The following POLR2F variants were observed in gnomAD, a reference collection of about 807,000 sequenced individuals.
POLR2F encodes DNA-directed RNA polymerases I, II, and III subunit RPABC2.
A neutral mutation model predicts 22.7 loss-of-function variants in POLR2F; 12 were observed. The observed-to-expected ratio is 0.53, with a 90% CI of 0.34 to 0.86. The LOEUF (loss-of-function observed/expected upper bound fraction) is 0.86. POLR2F is among the 40% of genes least tolerant of loss of function. POLR2F has a pLI of 0.02. For synonymous variants in POLR2F, 57 were observed against 66.0 expected, an observed-to-expected ratio of 0.86 and a Z score of 0.66; for missense variants, 126 against 171.5, an observed-to-expected ratio of 0.73 and a Z score of 1.48.
Position 37,978,023 on chromosome 22 carries a change from C to A in POLR2F, c.293+10853C>A. On this transcript the variant is annotated intron_variant, in intron 4 of 4. Coordinates refer to the POLR2F transcript ENST00000405557. The surrounding 1 kb of genome is among the most constrained non-coding windows in gnomAD (Gnocchi z 5.0). ...TCCGCCTCGCCCTGGGCGGCCTTCC[C>A]GTTCTTCCGCCGCCTGGGCTGGTAC... 1 of 1,611,446 alleles carries A rather than the reference C, an allele frequency of 6.2e-7. No individual in the cohort carries two copies. The highest frequency in any genetic ancestry group is 2.2e-5 in the East Asian group (1 of 44,830).
At chr22:37,977,552 C>A (rs530068416) in intron 4 of POLR2F, among the ~76,000 whole-genome samples, 23 of 152,224 alleles carry the variant, frequency 1.5e-4, no homozygotes, top group African/African-American at 4.8e-4. Context: ...GATCTCCTGA[C>A]CTCGTGATCT....
chr22:37,965,335 G>A (rs1285406802), intron 3 of POLR2F, among the ~76,000 whole-genome samples: 4 of 152,186 alleles, frequency 2.6e-5, no homozygotes, highest in African/African-American at 9.7e-5. Flanking sequence ...GTAGGTTTTG[G>A]ATGGGGTTTC....
At chr22:38,028,612 G>A (rs1223960328), downstream of POLR2F, among the ~76,000 whole-genome samples, 4 of 152,156 alleles carry the variant, frequency 2.6e-5, no homozygotes, top group African/African-American at 4.8e-5. Flanking sequence ...GTGTATGCAC[G>A]TGCATGTCTC....
At chr22:38,020,190 T>TAC (rs1194914434) in intron 1 of POLR2F, among the ~76,000 whole-genome samples, 51 of 137,014 alleles carry the variant, frequency 3.7e-4, no homozygotes, top group African/African-American at 1.4e-3. Context: ...CTCTGCTAAA[T>TAC]ACACACACAC....
chr22:38,025,641 G>T lies in POLR2F; in HGVS notation c.121-228G>T, dbSNP rs377446121. 19 of 1,563,870 alleles carry T rather than the reference G, an allele frequency of 1.2e-5. No individual in the cohort carries two copies. The African/African-American group carries it at 2.2e-4, about 18-fold the overall frequency. On this transcript the variant is annotated intron_variant, in intron 1 of 2. Transcript: ENST00000333418. ...TCCTACGCACTGGCCCACAGCCTAGGCTCTTTCAGCATCTCCTCCCGCTGA... is the reference window on the plus strand; with the variant it reads ...TCCTACGCACTGGCCCACAGCCTAGTCTCTTTCAGCATCTCCTCCCGCTGA...
chr22:37,971,358 C>T (rs908576616), downstream of POLR2F: 1 of 467,028 alleles, frequency 2.1e-6, no homozygotes, highest in African/African-American at 2.0e-5. Context: ...ACATAAAACC[C>T]TTGGTGGAGC....
upstream of POLR2F, chr22:37,984,082 G>C: frequency 4.1e-6 from 1 of 246,882 alleles, no homozygotes; most frequent in Middle Eastern, 1.3e-3. The surrounding 1 kb of genome is among the most constrained non-coding windows in gnomAD (Gnocchi z 4.4). Context: ...TGGTGTGGGT[G>C]GCTTTTTTTT....
chr22:37,970,079 G>A (rs188607591), downstream of POLR2F, among the ~76,000 whole-genome samples: 30 of 151,636 alleles, frequency 2.0e-4, no homozygotes, highest in Middle Eastern at 6.9e-3. Flanking sequence ...AGATCACGAG[G>A]TCAGGAGATC....
chr22:37,970,427 C>G (rs1324992709), downstream of POLR2F, among the ~76,000 whole-genome samples: 1 of 140,182 alleles, frequency 7.1e-6, no homozygotes, highest in Non-Finnish European at 1.5e-5. Context: ...ATGGTGAAAC[C>G]CTGTCTCTAC....
At chr22:38,026,980 C>T (rs1016451441), downstream of POLR2F, among the ~76,000 whole-genome samples, 8 of 152,152 alleles carry the variant, frequency 5.3e-5, no homozygotes, top group South Asian at 1.2e-3. Context: ...GGTGGATGGA[C>T]GGGGAGGGGC....
intron 1 of POLR2F, among the ~76,000 whole-genome samples, chr22:38,011,039 A>G (rs1406934186): frequency 6.6e-6 from 1 of 152,144 alleles, no homozygotes; most frequent in Non-Finnish European, 1.5e-5. Context: ...AAGTTCCCAA[A>G]TTCTATCTCC....
intron 1 of POLR2F, among the ~76,000 whole-genome samples, chr22:37,992,393 T>C (rs1256489464): frequency 2.6e-5 from 4 of 151,836 alleles, no homozygotes; most frequent in Admixed American, 2.0e-4. Context: ...GCTTCTTCTT[T>C]TTTTTTTTTT....
chr22:37,962,680 T>C (rs951783281), intron 3 of POLR2F, among the ~76,000 whole-genome samples: 3 of 152,222 alleles, frequency 2.0e-5, no homozygotes, highest in Non-Finnish European at 2.9e-5. Context: ...ACACTTCTTT[T>C]TCTTTTATTT....
Position 37,953,817 on chromosome 22 carries a change from G to A in POLR2F, c.20+10G>A, listed in dbSNP as rs529826521. 2 of 1,608,350 alleles carry A rather than the reference G, an allele frequency of 1.2e-6. No homozygotes were observed. The highest frequency in any genetic ancestry group is 2.7e-5 in the African/African-American group (2 of 74,932). ...CAGACAACGAGGACAAGTGAGTGCG[G>A]GAGCGGAGTGGCCTTTGCGGCAACC... is the stretch of plus-strand genomic sequence containing the variant. On this transcript the variant is annotated intron_variant, in intron 1 of 4. Coordinates refer to ENST00000442738, the MANE Select transcript of POLR2F (RefSeq NM_021974.5).
chr22:37,978,345 G>A lies in POLR2F; in HGVS notation c.293+11175G>A, dbSNP rs1438353735. On this transcript the variant is annotated intron_variant, in intron 4 of 4. Coordinates refer to the POLR2F transcript ENST00000405557. The surrounding 1 kb of genome is among the most constrained non-coding windows in gnomAD (Gnocchi z 5.0). Reference sequence around the variant, plus strand: ...CAAGGAATAACAGCCTCAGAGGGCTGCCCCCAAATCTTTCATGGGCTGGAG... The same window carrying A: ...CAAGGAATAACAGCCTCAGAGGGCTACCCCCAAATCTTTCATGGGCTGGAG... 3.9e-5 allele frequency among the ~76,000 whole-genome samples: 6 copies of A among 152,244 alleles called. No homozygotes were observed. Among genetic ancestry groups the A allele is most frequent in the East Asian group, 1.9e-4 (1 of 5,200 alleles).
chr22:37,989,400 G>A (rs1490937723), intron 1 of POLR2F, among the ~76,000 whole-genome samples: 1 of 152,210 alleles, frequency 6.6e-6, no homozygotes, highest in African/African-American at 2.4e-5. Flanking sequence ...AAGTGCACAA[G>A]TATTAACCGA....
At chr22:38,041,206 G>A, downstream of POLR2F, 1 of 1,576,236 alleles carries the variant, frequency 6.3e-7, no homozygotes, top group African/African-American at 1.3e-5. Context: ...GCCAGGGAAG[G>A]GATGTGAGGA....
chr22:38,040,914 T>C, intron 5 of POLR2F: 1 of 1,206,216 alleles, frequency 8.3e-7, no homozygotes, highest in Non-Finnish European at 1.2e-6. Context: ...GCAAGGACCC[T>C]GGACAGGAGT....
chr22:38,005,124 T>C (rs2084809065), intron 1 of POLR2F, among the ~76,000 whole-genome samples: 2 of 152,356 alleles, frequency 1.3e-5, no homozygotes, highest in South Asian at 4.1e-4. Flanking sequence ...CTGACAGTTA[T>C]GAGAACTCAG....
Sources: gnomAD v4.1 joint callset for allele counts (sites outside exome capture counted in the v4.1 genomes callset) on GRCh38, gnomAD v4.1.1 for gene constraint, Gnocchi (gnomAD v3.1) non-coding constraint, MANE v1.5 for transcripts, NCBI Gene and HGNC (gene_info 2026-07-23, HGNC 2026-07-21) for gene names.